Variants in SLC39A11 observed in about 807,000 individuals in gnomAD.
The protein encoded by SLC39A11 is zinc transporter ZIP11.
In SLC39A11, 33 loss-of-function variants were observed where a neutral mutation model predicts 36.1. The ratio of observed to expected loss-of-function variants is 0.91; its 90% CI spans 0.69 to 1.22. The LOEUF (loss-of-function observed/expected upper bound fraction) is 1.22. SLC39A11 is among the 50% of genes most tolerant of loss of function. The pLI is 0.00. For synonymous variants in SLC39A11, 166 were observed against 170.3 expected, an observed-to-expected ratio of 0.97 and a Z score of 0.20; for missense variants, 432 against 430.3, an observed-to-expected ratio of 1.00 and a Z score of -0.03.
chr17:73,038,487 T>C (rs2058998111), intron 3 of SLC39A11, among the ~76,000 whole-genome samples: 1 of 148,536 alleles, frequency 6.7e-6, no homozygotes, highest in African/African-American at 2.5e-5. Flanking sequence ...TCACCTGAGG[T>C]CAGGAGTTCA....
intron 6 of SLC39A11, among the ~76,000 whole-genome samples, chr17:72,794,353 G>T (rs768384366): frequency 5.3e-5 from 8 of 152,092 alleles, no homozygotes; most frequent in Non-Finnish European, 8.8e-5. Flanking sequence ...GCCAGCGAGC[G>T]CGGTGAGGAC....
At chr17:72,756,601 G>T (rs2075369609) in intron 6 of SLC39A11, among the ~76,000 whole-genome samples, 2 of 152,218 alleles carry the variant, frequency 1.3e-5, no homozygotes, top group South Asian at 4.1e-4. Context: ...ACAGAGAGTA[G>T]AATGGTGGTG....
At chr17:72,711,322 C>T (rs545023169) in intron 7 of SLC39A11, among the ~76,000 whole-genome samples, 9 of 152,130 alleles carry the variant, frequency 5.9e-5, no homozygotes, top group Non-Finnish European at 1.0e-4. Context: ...GGGGAAAAGA[C>T]GGGTGCAACT....
intron 5 of SLC39A11, among the ~76,000 whole-genome samples, chr17:72,924,939 T>C (rs1304021411): frequency 6.7e-6 from 1 of 150,278 alleles, no homozygotes; most frequent in Non-Finnish European, 1.5e-5. Flanking sequence ...GAGTCAGAGG[T>C]TGCAGTGAGC....
At chr17:72,804,828 T>C (rs1265189982) in intron 6 of SLC39A11, among the ~76,000 whole-genome samples, 1 of 152,168 alleles carries the variant, frequency 6.6e-6, no homozygotes, top group African/African-American at 2.4e-5. Context: ...AAGACCATCC[T>C]GGCCAACATG....
At chr17:72,727,341 TA>T (rs2073967928) in intron 7 of SLC39A11, among the ~76,000 whole-genome samples, 1 of 152,144 alleles carries the variant, frequency 6.6e-6, no homozygotes, top group Non-Finnish European at 1.5e-5. Flanking sequence ...AAGAAACTGC[TA>T]TGGGACCAGA....
At chr17:72,777,176 T>C (rs980523530) in intron 6 of SLC39A11, among the ~76,000 whole-genome samples, 1 of 152,158 alleles carries the variant, frequency 6.6e-6, no homozygotes. Flanking sequence ...TCGAACTATG[T>C]GCATTTTAAG....
intron 7 of SLC39A11, among the ~76,000 whole-genome samples, chr17:72,677,902 G>T (rs1033496522): frequency 1.3e-5 from 2 of 152,144 alleles, no homozygotes; most frequent in Admixed American, 1.3e-4. Context: ...GATACTCAAG[G>T]TCGTCTTGGA....
At chr17:72,808,012 G>C (rs1238688550) in intron 6 of SLC39A11, among the ~76,000 whole-genome samples, 2 of 151,912 alleles carry the variant, frequency 1.3e-5, no homozygotes, top group Non-Finnish European at 1.5e-5. Context: ...GCACCAAATT[G>C]GTGCTCTCAG....
chr17:72,804,719 T>C (rs145555386), intron 6 of SLC39A11, among the ~76,000 whole-genome samples: 87 of 152,238 alleles, frequency 5.7e-4, no homozygotes, highest in African/African-American at 1.9e-3. Flanking sequence ...AGTGGGCACA[T>C]TGGGGTAAAC....
At chr17:73,049,036 G>T (rs2059411785) in intron 3 of SLC39A11, among the ~76,000 whole-genome samples, 1 of 152,210 alleles carries the variant, frequency 6.6e-6, no homozygotes. Context: ...GATGCTGTAA[G>T]TTTCAGTCCA....
rs1284405003 is a variant in SLC39A11 at position 72,862,269 on chromosome 17, G to A, written c.431-12465C>T. Among the ~76,000 whole-genome samples, 3 of 152,196 alleles carry A rather than the reference G, an allele frequency of 2.0e-5. No individual in the cohort carries two copies. The East Asian group carries it at 5.8e-4, about 29-fold the overall frequency. ...CTGAGATGGAAGTGTTGGGTCAGAA[G>A]GGAGGCTGACAGACAAAGGCTGACC... On this transcript the variant is annotated intron_variant, in intron 5 of 9. Transcript: ENST00000255559.
chr17:72,837,987 T>G (rs2145818524), intron 6 of SLC39A11: 1 of 1,231,288 alleles, frequency 8.1e-7, no homozygotes, highest in South Asian at 4.1e-5. Flanking sequence ...ATGAGAGTAT[T>G]CAGGAATAGT....
intron 6 of SLC39A11, among the ~76,000 whole-genome samples, chr17:72,765,873 A>G (rs1269417606): frequency 6.6e-6 from 1 of 152,162 alleles, no homozygotes; most frequent in Non-Finnish European, 1.5e-5. Context: ...GATAATGGGA[A>G]AGTTTTCAAC....
At chr17:72,797,422 C>T (rs2076932907) in intron 6 of SLC39A11, among the ~76,000 whole-genome samples, 1 of 151,996 alleles carries the variant, frequency 6.6e-6, no homozygotes, top group African/African-American at 2.4e-5. Flanking sequence ...TCTCTCCTTC[C>T]TCCTCCTTCC....
intron 6 of SLC39A11, among the ~76,000 whole-genome samples, chr17:72,782,709 AAAAAAAG>A (rs1158811724): frequency 6.8e-6 from 1 of 147,420 alleles, no homozygotes; most frequent in African/African-American, 2.6e-5. Flanking sequence ...AAAAAAAAAA[AAAAAAAG>A]CAGGCCCAGC....
At chr17:72,719,237 T>C (rs2073544356) in intron 7 of SLC39A11, among the ~76,000 whole-genome samples, 1 of 152,004 alleles carries the variant, frequency 6.6e-6, no homozygotes, top group Non-Finnish European at 1.5e-5. Flanking sequence ...ACAAAGACTC[T>C]ATCTCAAAAA....
At chr17:72,743,094 C>T in intron 6 of SLC39A11, among the ~76,000 whole-genome samples, 1 of 152,208 alleles carries the variant, frequency 6.6e-6, no homozygotes, top group African/African-American at 2.4e-5. Context: ...CCTGAGCTTG[C>T]TGACTTGTGA....
At chr17:72,888,239 G>A (rs4519387) in intron 5 of SLC39A11, among the ~76,000 whole-genome samples, 63,085 of 151,678 alleles carry the variant, frequency 0.42, 14,239 homozygotes, top group East Asian at 0.69. Flanking sequence ...TTTTAAGCTC[G>A]AATAAATTAT....
Sources: gnomAD v4.1 joint callset for allele counts (sites outside exome capture counted in the v4.1 genomes callset) on GRCh38, gnomAD v4.1.1 for gene constraint, MANE v1.5 for transcripts, NCBI Gene and HGNC (gene_info 2026-07-23, HGNC 2026-07-21) for gene names.